Variants in RASEF observed in about 807,000 individuals in gnomAD.
RASEF encodes the protein RAS and EF-hand domain containing.
In RASEF, 68 loss-of-function variants were observed where a neutral mutation model predicts 90.1. That is an observed-to-expected ratio of 0.75 (90% confidence interval 0.62 to 0.92). The LOEUF (loss-of-function observed/expected upper bound fraction) is 0.92, where lower values mean the gene tolerates loss of function less well. Ranked by LOEUF, RASEF falls within the 40% of genes least tolerant of loss-of-function variation. The pLI, the probability that RASEF is intolerant of heterozygous loss-of-function variation, is 0.00. For missense variants in RASEF, 949 were observed against 937.2 expected (o/e 1.01, Z -0.16); for synonymous variants, 331 against 345.2 (o/e 0.96, Z 0.46).
In RASEF at chr9:83,009,667, A is replaced by G; in HGVS notation, c.933T>C (p.Tyr311=). ...TTTCAGTATTCAGACTCTGATCAGC[A>G]TAATCACTTTTCAAAGCATCTAACT... ...QSELDALKSD[Y]ADQSLNTERD... The change falls in exon 6 of 17, where the codon TAT becomes TAC. Residue 311 remains tyrosine (Y), a synonymous_variant. Coordinates refer to ENST00000376447, the MANE Select transcript of RASEF (RefSeq NM_152573.4). 1 of 1,609,682 alleles carries G rather than the reference A, an allele frequency of 6.2e-7. No individual in the cohort carries two copies. Among genetic ancestry groups the G allele is most frequent in the South Asian group, 1.1e-5 (1 of 90,970 alleles).
chr9:83,004,686 A>C (rs1355330643), intron 8 of RASEF, 100 bp from the exon 9 acceptor site: 1 of 704,994 alleles, frequency 1.4e-6, no homozygotes, highest in Admixed American at 2.2e-5. Flanking sequence ...AAACTGTAGC[A>C]CACTACTCAA....
intron 9 of RASEF, 113 bp from the exon 10 acceptor site, chr9:83,001,243 G>A (rs1829034706): frequency 4.3e-6 from 3 of 692,368 alleles, no homozygotes; most frequent in Non-Finnish European, 4.9e-6. Context: ...GTGGCTAAGA[G>A]CCGCAGTGTT....
the RASEF span, among the ~76,000 whole-genome samples, chr9:83,088,055 C>T: frequency 6.6e-6 from 1 of 151,888 alleles, no homozygotes; most frequent in Non-Finnish European, 1.5e-5. Flanking sequence ...GTGAATTTCC[C>T]TTATTTTAGT....
chr9:83,067,147 G>A (rs115501590), upstream of RASEF, among the ~76,000 whole-genome samples: 1,166 of 152,262 alleles, frequency 7.7e-3, 16 homozygotes, highest in African/African-American at 0.026. Context: ...CTCAGAGCAT[G>A]ACTTAACACT....
At position 83,024,068 on chromosome 9, in the gene RASEF, A is replaced by G. The variant is rs116988645; in HGVS notation, c.579-1642T>C. 2.4e-3 allele frequency among the ~76,000 whole-genome samples: 363 copies of G among 152,294 alleles called. 12 individuals are homozygous for G. In the East Asian group the frequency reaches 0.065, roughly 27 times the overall value. On this transcript the variant is annotated intron_variant, in intron 2 of 16. Transcript: ENST00000376447. ...ACAAAATGGCCAAAACCCTCCCCCAATTAAAAATAGCAGTGAGGATGGATG... is the reference window on the plus strand; with the variant it reads ...ACAAAATGGCCAAAACCCTCCCCCAGTTAAAAATAGCAGTGAGGATGGATG...
chr9:83,154,600 T>C, the RASEF span, among the ~76,000 whole-genome samples: 3 of 152,106 alleles, frequency 2.0e-5, no homozygotes, highest in African/African-American at 4.8e-5. Context: ...CACTCAAAAG[T>C]CAGGAACTTC....
chr9:83,085,918 C>T, the RASEF span, among the ~76,000 whole-genome samples: 1 of 151,574 alleles, frequency 6.6e-6, no homozygotes, highest in Non-Finnish European at 1.5e-5. Flanking sequence ...GAGCAAGACT[C>T]CATCTCCAAA....
At chr9:83,213,814 A>G in the RASEF span, among the ~76,000 whole-genome samples, 1 of 152,244 alleles carries the variant, frequency 6.6e-6, no homozygotes, top group African/African-American at 2.4e-5. Flanking sequence ...TTTGATCTAA[A>G]CAATCAAATT....
the RASEF span, among the ~76,000 whole-genome samples, chr9:83,201,537 A>C: frequency 6.6e-6 from 1 of 152,202 alleles, no homozygotes; most frequent in Non-Finnish European, 1.5e-5. Context: ...TAATTGTAAG[A>C]AATGTTTTTG....
chr9:83,194,870 T>C, the RASEF span, among the ~76,000 whole-genome samples: 1 of 152,232 alleles, frequency 6.6e-6, no homozygotes, highest in African/African-American at 2.4e-5. Flanking sequence ...ATTCTTTTGC[T>C]CTTTGAGCAA....
At chr9:83,014,992 C>G (rs1829318020) in intron 4 of RASEF, among the ~76,000 whole-genome samples, 1 of 152,142 alleles carries the variant, frequency 6.6e-6, no homozygotes, top group African/African-American at 2.4e-5. Flanking sequence ...AACAAACAAA[C>G]AAACAAACTA....
the RASEF span, among the ~76,000 whole-genome samples, chr9:83,097,267 T>C: frequency 3.9e-5 from 6 of 152,338 alleles, no homozygotes; most frequent in Admixed American, 3.9e-4. Flanking sequence ...AAAATGTTCC[T>C]ATTTCTCCAC....
chr9:83,189,641 G>A, the RASEF span, among the ~76,000 whole-genome samples: 5 of 152,134 alleles, frequency 3.3e-5, no homozygotes, highest in Non-Finnish European at 5.9e-5. Context: ...TATATTTCAT[G>A]TTTTATTGTT....
chr9:82,987,492 C>A (rs1049981066), intron 16 of RASEF, among the ~76,000 whole-genome samples: 6 of 152,178 alleles, frequency 3.9e-5, no homozygotes, highest in African/African-American at 7.2e-5. Flanking sequence ...AGTAAACACA[C>A]ACAAGCTAGT....
intron 16 of RASEF, among the ~76,000 whole-genome samples, chr9:82,986,709 G>A (rs1277367794): frequency 6.6e-6 from 1 of 152,198 alleles, no homozygotes; most frequent in Non-Finnish European, 1.5e-5. Context: ...TACACCCAAT[G>A]GGCTCAGCTC....
In RASEF at chr9:82,982,686, G is replaced by C; in HGVS notation, c.2214C>G (p.Cys738Trp). Reference protein sequence around the residue: ...SKKSPQMKNCCNG With the variant: ...SKKSPQMKNCWNG Reference sequence around the variant, plus strand: ...CAAGGATGTTTGGGATTTAGCCATTGCAACAATTCTTCATCTGTGGTGACT... The same window carrying C: ...CAAGGATGTTTGGGATTTAGCCATTCCAACAATTCTTCATCTGTGGTGACT... The change falls in exon 17 of 17, where the codon TGC becomes TGG. Residue 738 changes from cysteine to tryptophan, a missense_variant. Coordinates refer to ENST00000376447, the MANE Select transcript of RASEF (RefSeq NM_152573.4). 1 of 1,571,006 alleles carries C rather than the reference G, an allele frequency of 6.4e-7. No individual in the cohort carries two copies. Among genetic ancestry groups the C allele is most frequent in the Non-Finnish European group, 8.8e-7 (1 of 1,140,780 alleles).
chr9:83,164,201 TAAAG>T, the RASEF span, among the ~76,000 whole-genome samples: 2 of 151,022 alleles, frequency 1.3e-5, no homozygotes, highest in African/African-American at 4.8e-5. Flanking sequence ...TCTATCTACA[TAAAG>T]AAAGGATGAG....
chr9:83,112,932 C>T, the RASEF span, among the ~76,000 whole-genome samples: 1 of 151,916 alleles, frequency 6.6e-6, no homozygotes, highest in African/African-American at 2.4e-5. Flanking sequence ...CAATTTAAAA[C>T]CTTTTTTCTG....
At chr9:83,218,717 G>A in the RASEF span, among the ~76,000 whole-genome samples, 3 of 152,166 alleles carry the variant, frequency 2.0e-5, no homozygotes, top group Non-Finnish European at 2.9e-5. Flanking sequence ...TGAGAGCACC[G>A]CCCTTGCATT....
Sources: gnomAD v4.1 joint callset for allele counts (sites outside exome capture counted in the v4.1 genomes callset) on GRCh38, gnomAD v4.1.1 for gene constraint, MANE v1.5 for transcripts, NCBI Gene and HGNC (gene_info 2026-07-23, HGNC 2026-07-21) for gene names.